The following EFR3A variants were observed in gnomAD, a reference collection of about 807,000 sequenced individuals.
The protein encoded by EFR3A is protein EFR3 homolog A.
EFR3A carries 76 observed loss-of-function variants against 104.4 expected under a neutral mutation model. The ratio of observed to expected loss-of-function variants is 0.73; its 90% CI spans 0.60 to 0.88. The LOEUF is 0.88. Among genes scored for constraint, EFR3A ranks in the 40% least tolerant of loss-of-function variants. The probability of loss-of-function intolerance (pLI) is 0.00; values close to 1 mark genes in which losing one functional copy is unlikely to be tolerated. For missense variants in EFR3A, 985 were observed against 1,012.5 expected (o/e 0.97, Z 0.37); for synonymous variants, 330 against 330.0 (o/e 1.00, Z 0.00).
rs765709996 is a variant in EFR3A, at chr8:131,955,799, A to G, written c.670A>G (p.Thr224Ala). ...AGGCCCTCCTTCTTCTCCTTCTGCAACTGACAAAGAAGAGAATCCTGCTGT... is the reference window on the plus strand; with the variant it reads ...AGGCCCTCCTTCTTCTCCTTCTGCAGCTGACAAAGAAGAGAATCCTGCTGT... ...RIGPPSSPSA[T>A]DKEENPAVLA... is the part of the protein sequence containing the mutation. The change falls in exon 7 of 23, where the codon ACT becomes GCT. Residue 224 changes from threonine to alanine, a missense_variant. Transcript: ENST00000254624. 8 of 1,613,112 alleles carry G rather than the reference A, an allele frequency of 5.0e-6. No homozygotes were observed. The South Asian group carries it at 6.6e-5, about 13-fold the overall frequency.
intron 1 of EFR3A, among the ~76,000 whole-genome samples, chr8:131,919,856 T>C (rs1300952764): frequency 6.6e-6 from 1 of 150,680 alleles, no homozygotes; most frequent in African/African-American, 2.4e-5. Context: ...GATACATTTA[T>C]TTCTGGATTT....
At chr8:131,940,715 C>G (rs889647985) in intron 2 of EFR3A, 140 bp downstream of exon 2, 6 of 1,322,512 alleles carry the variant, frequency 4.5e-6, no homozygotes, top group Non-Finnish European at 4.9e-6. Flanking sequence ...TTATACTTTT[C>G]TTTTTTTTAC....
chr8:131,917,929 GA>G (rs1336380716), intron 1 of EFR3A, among the ~76,000 whole-genome samples: 1 of 152,144 alleles, frequency 6.6e-6, no homozygotes, highest in Non-Finnish European at 1.5e-5. Flanking sequence ...TTTCTTCTTA[GA>G]GGCATATGAT....
intron 18 of EFR3A, 61 bp from the exon 19 acceptor site, chr8:131,996,345 A>T: frequency 9.4e-7 from 1 of 1,066,498 alleles, no homozygotes; most frequent in Non-Finnish European, 1.3e-6. Flanking sequence ...AGTAGAGTTT[A>T]TAAATGAAAA....
At chr8:131,918,241 C>T (rs1489999169) in intron 1 of EFR3A, among the ~76,000 whole-genome samples, 1 of 152,124 alleles carries the variant, frequency 6.6e-6, no homozygotes, top group East Asian at 1.9e-4. Flanking sequence ...GAGTTGAGAT[C>T]GCACCACTGC....
intron 22 of EFR3A, among the ~76,000 whole-genome samples, chr8:132,010,440 AT>A (rs1822282925): frequency 2.3e-5 from 3 of 130,790 alleles, no homozygotes; most frequent in Non-Finnish European, 1.6e-5. Context: ...ATATATATAT[AT>A]ATATATATAA....
chr8:131,995,834 A>G (rs1821450704), intron 18 of EFR3A, among the ~76,000 whole-genome samples: 2 of 152,154 alleles, frequency 1.3e-5, no homozygotes, highest in Admixed American at 6.5e-5. Context: ...TATAAAGCAA[A>G]ATAACAACAG....
Position 131,986,179 on chromosome 8 carries a change from T to C in EFR3A, c.1870-15T>C, listed in dbSNP as rs779968236. The C allele has an allele frequency of 1.3e-6, 2 of 1,511,112 alleles. No homozygotes were observed. Among genetic ancestry groups the C allele is most frequent in the East Asian group, 4.5e-5 (2 of 44,118 alleles). The allele number at this position is 1,511,112 out of a possible 1,614,324, so 93.6% of individuals were successfully genotyped here. On this transcript the variant is annotated splice_polypyrimidine_tract_variant and intron_variant, in intron 16 of 22. Transcript: ENST00000254624. ...AGGGTTTTTGATTTTTGTTCTGTTT[T>C]TGAATATTTTTTAGGTTATTGAAAT...
At chr8:131,959,206 T>C (rs1260984469) in intron 7 of EFR3A, among the ~76,000 whole-genome samples, 1 of 152,222 alleles carries the variant, frequency 6.6e-6, no homozygotes, top group African/African-American at 2.4e-5. Flanking sequence ...AATCTGTGAA[T>C]ATAATCTAAG....
intron 3 of EFR3A, 80 bp downstream of exon 3, chr8:131,944,952 G>T: frequency 6.8e-7 from 1 of 1,471,804 alleles, no homozygotes; most frequent in Non-Finnish European, 9.2e-7. Context: ...AGATTATTTT[G>T]CCATTTAGTG....
intron 1 of EFR3A, among the ~76,000 whole-genome samples, chr8:131,916,841 A>T (rs146506669): frequency 2.6e-5 from 4 of 152,226 alleles, no homozygotes; most frequent in Admixed American, 6.5e-5. Context: ...CAATAAAGGT[A>T]ATTTATGAAA....
chr8:131,987,640 C>T lies in EFR3A; in HGVS notation c.2003C>T (p.Ser668Leu), dbSNP rs201899653. Residue 668 changes from serine (S) to leucine (L), a missense_variant, in exon 18 of 23, where the codon TCG (serine) becomes TTG (leucine). Physicochemically the swap from Ser to Leu is moderately radical, Grantham distance 145 (BLOSUM62 -2). Transcript: ENST00000254624. The part of the protein sequence containing the change: ...LYFLTNKIAE[S>L]LGGSGYSVER... Reference sequence around the variant, plus strand: ...TTTCTGACCAACAAGATTGCAGAGTCGCTAGGTGGAAGTGGATATAGTGTT... The same window carrying T: ...TTTCTGACCAACAAGATTGCAGAGTTGCTAGGTGGAAGTGGATATAGTGTT... The T allele has an allele frequency of 1.4e-5, 22 of 1,597,264 alleles. No individual in the cohort carries two copies. The African/African-American group carries it at 1.6e-4, about 12-fold the overall frequency.
At chr8:131,976,898 T>C in intron 11 of EFR3A, 143 bp from the exon 12 acceptor site, 2 of 514,748 alleles carry the variant, frequency 3.9e-6, no homozygotes, top group Non-Finnish European at 6.5e-6. Context: ...TACTTTGGCA[T>C]GTGAAGTGAG....
intron 21 of EFR3A, among the ~76,000 whole-genome samples, chr8:132,003,025 A>G (rs1821861548): frequency 6.6e-6 from 1 of 152,138 alleles, no homozygotes; most frequent in South Asian, 2.1e-4. Context: ...TATGTTTTTA[A>G]CATTGAGACG....
At position 132,011,695 on chromosome 8, in the gene EFR3A, A is replaced by C. The variant is rs1822352769; in HGVS notation, c.*800A>C. On this transcript the variant is annotated 3_prime_UTR_variant, in exon 23 of 23. Coordinates refer to ENST00000254624, the MANE Select transcript of EFR3A (RefSeq NM_015137.6). ...AGTAGTATTTTGCTGTGGCTCCATTAATTAAATGAGATATATATTTAGTGC... is the reference window on the plus strand; with the variant it reads ...AGTAGTATTTTGCTGTGGCTCCATTCATTAAATGAGATATATATTTAGTGC... The C allele has an allele frequency of 1.3e-5, 2 of 153,174 alleles. No homozygotes were observed. The highest frequency in any genetic ancestry group is 4.8e-5 in the African/African-American group (2 of 41,464). The allele number at this position is 153,174 out of a possible 1,614,324, so 9.5% of individuals were successfully genotyped here. A position where few individuals can be genotyped will look rare whatever the true frequency, so the allele number is the denominator to read the frequency against.
At chr8:132,005,351 G>A (rs142323669) in intron 22 of EFR3A, among the ~76,000 whole-genome samples, 197 of 151,742 alleles carry the variant, frequency 1.3e-3, no homozygotes, top group African/African-American at 4.6e-3. Context: ...CTCCATAAAA[G>A]AAACAGAACA....
chr8:131,980,583 TTATA>T (rs1424093093), intron 14 of EFR3A, among the ~76,000 whole-genome samples: 1 of 152,170 alleles, frequency 6.6e-6, no homozygotes, highest in African/African-American at 2.4e-5. Flanking sequence ...TATGTTTTGA[TTATA>T]TGTATATAAT....
In EFR3A at chr8:131,937,433, C is replaced by A. The variant is rs180870437; in HGVS notation, c.11-3066C>A. Among the ~76,000 whole-genome samples the A allele has an allele frequency of 1.3e-3, 199 of 152,184 alleles. 2 individuals carry two copies. The highest frequency in any genetic ancestry group is 0.012 in the South Asian group (58 of 4,814). On this transcript the variant is annotated intron_variant, in intron 1 of 22. Coordinates refer to ENST00000254624, the MANE Select transcript of EFR3A (RefSeq NM_015137.6). The stretch of plus-strand genomic sequence containing the variant: ...CACTACTATAATATTCAGCCTGGCA[C>A]TTTTTTGGTTATAATTTATCCACTG...
At chr8:132,003,582 A>C (rs967992936) in intron 22 of EFR3A, among the ~76,000 whole-genome samples, 5 of 152,188 alleles carry the variant, frequency 3.3e-5, no homozygotes, top group African/African-American at 1.2e-4. Flanking sequence ...AAAGACCCAT[A>C]TTCTAATATT....
Sources: allele counts gnomAD v4.1 joint callset (sites outside exome capture counted in the v4.1 genomes callset), GRCh38; gene constraint gnomAD v4.1.1; transcripts MANE v1.5; gene names NCBI Gene and HGNC (gene_info 2026-07-23, HGNC 2026-07-21).